The following SMYD4 variants were observed in gnomAD, a reference collection of about 807,000 sequenced individuals.
The protein encoded by SMYD4 is protein-lysine N-methyltransferase SMYD4.
Under a neutral mutation model 72.8 loss-of-function variants are expected in SMYD4, and 68 were observed. The ratio of observed to expected loss-of-function variants is 0.93; its 90% CI spans 0.77 to 1.14. The LOEUF (loss-of-function observed/expected upper bound fraction) is 1.14, where lower values mean the gene tolerates loss of function less well. Ranked by LOEUF, SMYD4 falls within the 50% of genes most tolerant of loss-of-function variation. The probability of loss-of-function intolerance (pLI) is 0.00; values close to 1 mark genes in which losing one functional copy is unlikely to be tolerated. For synonymous variants in SMYD4, 407 were observed against 388.6 expected, an observed-to-expected ratio of 1.05 and a Z score of -0.56; for missense variants, 984 against 1,003.7, an observed-to-expected ratio of 0.98 and a Z score of 0.27.
intron 5 of SMYD4, among the ~76,000 whole-genome samples, chr17:1,799,109 A>G (rs981047417): frequency 1.3e-5 from 2 of 151,348 alleles, no homozygotes; most frequent in Non-Finnish European, 2.9e-5. Context: ...AATACAAAAA[A>G]TTAGCCGGGC....
chr17:1,787,066 A>T (rs981850895), intron 6 of SMYD4, 93 bp from the exon 7 acceptor site: 1 of 1,463,540 alleles, frequency 6.8e-7, no homozygotes, highest in Non-Finnish European at 9.3e-7. Context: ...CTGGACAATT[A>T]CCTATCATGT....
At chr17:1,795,403 A>C (rs1202454503) in intron 5 of SMYD4, among the ~76,000 whole-genome samples, 2 of 123,928 alleles carry the variant, frequency 1.6e-5, no homozygotes, top group African/African-American at 6.2e-5. Flanking sequence ...GCACGATCTC[A>C]GCTCTATCTA....
rs59420310 is a variant in SMYD4 at position 1,794,105 on chromosome 17, A to ATTTTTT, written c.1537+5746_1537+5751dup. Among the ~76,000 whole-genome samples the ATTTTTT allele has an allele frequency of 6.9e-4, 9 of 12,992 alleles. 1 individual carries two copies. The highest frequency in any genetic ancestry group is 9.6e-4 in the Non-Finnish European group (7 of 7,264). The allele number at this position is 12,992 out of a possible 152,430, so 8.5% of individuals were successfully genotyped here. A position where few individuals can be genotyped will look rare whatever the true frequency, so the allele number is the denominator to read the frequency against. On this transcript the variant is annotated intron_variant, in intron 5 of 10. Transcript: ENST00000305513. ...TGTATATATATATATATATATATAT[A>ATTTTTT]TTTTTTTTTTTTTTTTTTTTTTGAG...
Position 1,780,484 on chromosome 17 carries a change from T to C in SMYD4, c.*802A>G, listed in dbSNP as rs2037298314. 1 of 152,150 alleles carries C rather than the reference T, an allele frequency of 6.6e-6. No individual in the cohort carries two copies. Among genetic ancestry groups the C allele is most frequent in the South Asian group, 2.1e-4 (1 of 4,830 alleles). The allele number at this position is 152,150 out of a possible 1,614,324, so 9.4% of individuals were successfully genotyped here. ...CTCCCACCTCAGCGTCTCAAAGTACTGGGATTACAGGTGTGAGCCTCTACA... is the reference window on the plus strand; with the variant it reads ...CTCCCACCTCAGCGTCTCAAAGTACCGGGATTACAGGTGTGAGCCTCTACA... On this transcript the variant is annotated 3_prime_UTR_variant, in exon 11 of 11. Coordinates refer to ENST00000305513, the MANE Select transcript of SMYD4 (RefSeq NM_052928.3).
chr17:1,780,249 ACT>A lies in SMYD4; in HGVS notation c.*1035_*1036del, dbSNP rs1003778852. On this transcript the variant is annotated 3_prime_UTR_variant, in exon 11 of 11. Transcript: ENST00000305513. Reference sequence around the variant, plus strand: ...TATTTTTTTGTTGAGACAGGGTCTTACTCTGTCACCCAGGCTGGAGTGCAGTA... The same window carrying A: ...TATTTTTTTGTTGAGACAGGGTCTTACTGTCACCCAGGCTGGAGTGCAGTA... 8 of 151,986 alleles carry A rather than the reference ACT, an allele frequency of 5.3e-5. No homozygotes were observed. Among genetic ancestry groups the A allele is most frequent in the African/African-American group, 1.9e-4 (8 of 41,342 alleles). 9.4% of individuals were successfully genotyped at this position (151,986 alleles called of 1,614,324 possible).
chr17:1,811,867 C>G, intron 3 of SMYD4, 104 bp downstream of exon 3: 1 of 1,271,164 alleles, frequency 7.9e-7, no homozygotes, highest in Admixed American at 2.3e-5. Flanking sequence ...GCGAATGTTG[C>G]AGTGAGCTGA....
At chr17:1,810,082 A>C (rs1001888939) in intron 3 of SMYD4, among the ~76,000 whole-genome samples, 2 of 151,996 alleles carry the variant, frequency 1.3e-5, no homozygotes, top group Non-Finnish European at 2.9e-5. Context: ...AGTGTGAGCC[A>C]CTGTGCCCAG....
intron 1 of SMYD4, among the ~76,000 whole-genome samples, chr17:1,828,219 C>T (rs1188913295): frequency 1.3e-5 from 2 of 151,792 alleles, no homozygotes; most frequent in Non-Finnish European, 2.9e-5. Flanking sequence ...GGTGTGGTGG[C>T]GCACACTTGT....
In SMYD4 at chr17:1,800,404, G is replaced by A; in HGVS notation, c.990C>T (p.Tyr330=). ...QECLQQAWEL[Y]HRTECPLGGL... Reference sequence around the variant, plus strand: ...CTCCCAGAGGACATTCTGTCCTGTGGTAGAGCTCCCAGGCCTGCTGCAAAC... The same window carrying A: ...CTCCCAGAGGACATTCTGTCCTGTGATAGAGCTCCCAGGCCTGCTGCAAAC... The change falls in exon 5 of 11, where the codon TAC becomes TAT. Residue 330 remains tyrosine, a synonymous_variant. Transcript: ENST00000305513. The A allele has an allele frequency of 6.8e-6, 11 of 1,614,144 alleles. No individual in the cohort carries two copies. Among genetic ancestry groups the A allele is most frequent in the Non-Finnish European group, 7.6e-6 (9 of 1,180,032 alleles).
At chr17:1,783,316 C>T (rs1425087699) in intron 9 of SMYD4, 44 bp downstream of exon 9, 2 of 1,611,062 alleles carry the variant, frequency 1.2e-6, no homozygotes, top group Non-Finnish European at 8.5e-7. Flanking sequence ...GAAGTGCCCA[C>T]AGCAGACTGT....
intron 10 of SMYD4, chr17:1,782,695 G>T (rs143803697): frequency 9.5e-4 from 194 of 204,912 alleles, no homozygotes; most frequent in African/African-American, 4.0e-3. Flanking sequence ...GGGTGGGGCT[G>T]CCTGGCCAAG....
chr17:1,789,934 T>C (rs563115299), intron 5 of SMYD4, among the ~76,000 whole-genome samples: 3 of 152,284 alleles, frequency 2.0e-5, no homozygotes, highest in East Asian at 3.9e-4. Context: ...CTACAAATTG[T>C]ATTAAAATCT....
chr17:1,808,245 C>A (rs184394864), intron 3 of SMYD4, among the ~76,000 whole-genome samples: 2 of 152,114 alleles, frequency 1.3e-5, no homozygotes, highest in South Asian at 4.1e-4. Flanking sequence ...GATGTGAAAT[C>A]AAGTACGGTT....
At position 1,779,626 on chromosome 17, in the gene SMYD4, G is replaced by A. The variant is rs1019586948; in HGVS notation, c.*1660C>T. ...GTACAGAATGAAGGGCAGAGAGTAA[G>A]GACTGGAAAACTGGCAGGAAACACA... On this transcript the variant is annotated 3_prime_UTR_variant, in exon 11 of 11. Coordinates refer to ENST00000305513, the MANE Select transcript of SMYD4 (RefSeq NM_052928.3). 1 of 152,242 alleles carries A rather than the reference G, an allele frequency of 6.6e-6. No homozygotes were observed. The highest frequency in any genetic ancestry group is 2.4e-5 in the African/African-American group (1 of 41,454). The allele number at this position is 152,242 out of a possible 1,614,324, so 9.4% of individuals were successfully genotyped here. A position where few individuals can be genotyped will look rare whatever the true frequency, so the allele number is the denominator to read the frequency against.
chr17:1,806,414 T>C (rs1199367979), intron 3 of SMYD4, among the ~76,000 whole-genome samples: 1 of 152,200 alleles, frequency 6.6e-6, no homozygotes, highest in Non-Finnish European at 1.5e-5. Context: ...CAATTTATAC[T>C]ATAGGCAAAG....
At position 1,799,876 on chromosome 17, in the gene SMYD4, C is replaced by T; in HGVS notation, c.1518G>A (p.Met506Ile). 1 of 1,603,812 alleles carries T rather than the reference C, an allele frequency of 6.2e-7. No individual in the cohort carries two copies. Among genetic ancestry groups the T allele is most frequent in the Non-Finnish European group, 8.5e-7 (1 of 1,173,568 alleles). Residue 506 changes from methionine to isoleucine, a missense_variant, in exon 5 of 11, where the codon ATG (methionine) becomes ATA (isoleucine). Coordinates refer to ENST00000305513, the MANE Select transcript of SMYD4 (RefSeq NM_052928.3). ...MLQLQCNAQA[M>I]TTIQHTGPKG... The stretch of plus-strand genomic sequence containing the variant: ...TCTTACCTGTGTGTTGTATGGTGGT[C>T]ATCGCCTGAGCGTTACACTGAAGCT...
At chr17:1,824,753 G>A (rs1398218857) in intron 2 of SMYD4, among the ~76,000 whole-genome samples, 1 of 152,078 alleles carries the variant, frequency 6.6e-6, no homozygotes, top group African/African-American at 2.4e-5. Flanking sequence ...CTGAGTAGGT[G>A]CGGTTACAGG....
intron 5 of SMYD4, among the ~76,000 whole-genome samples, chr17:1,797,502 G>C (rs1909467427): frequency 6.6e-6 from 1 of 152,190 alleles, no homozygotes; most frequent in African/African-American, 2.4e-5. Flanking sequence ...ATAGGCTCCA[G>C]TTCAGGAAAG....
chr17:1,810,750 C>G (rs887718876), intron 3 of SMYD4, among the ~76,000 whole-genome samples: 2 of 152,344 alleles, frequency 1.3e-5, no homozygotes, highest in Middle Eastern at 6.8e-3. Flanking sequence ...AAGACCCTAG[C>G]AGGCAGACAC....
Sources: gnomAD v4.1 joint callset for allele counts (sites outside exome capture counted in the v4.1 genomes callset) on GRCh38, gnomAD v4.1.1 for gene constraint, MANE v1.5 for transcripts, NCBI Gene and HGNC (gene_info 2026-07-23, HGNC 2026-07-21) for gene names.